The following VAT1L variants were observed in gnomAD, a reference collection of about 807,000 sequenced individuals.
The protein encoded by VAT1L is putative NADPH-dependent quinone oxidoreductase VAT1L.
A neutral mutation model predicts 44.1 loss-of-function variants in VAT1L; 34 were observed. The observed-to-expected ratio is 0.77, with a 90% CI of 0.59 to 1.03. The LOEUF (loss-of-function observed/expected upper bound fraction) is 1.03, where lower values mean the gene tolerates loss of function less well. Among genes scored for constraint, VAT1L ranks in the 50% least tolerant of loss-of-function variants. VAT1L has a pLI of 0.00. For missense variants in VAT1L, 615 were observed against 538.8 expected (o/e 1.14, Z -1.40); for synonymous variants, 253 against 202.2 (o/e 1.25, Z -2.13).
chr16:77,800,097 T>G (rs1239819410), intron 1 of VAT1L: 1 of 152,114 alleles, frequency 6.6e-6, no homozygotes, highest in Non-Finnish European at 1.5e-5. Flanking sequence ...GATCTGTGAG[T>G]GAGAACCTGG....
Position 77,828,346 on chromosome 16 carries a change from A to G in VAT1L, c.579+2885A>G, listed in dbSNP as rs368213090. The stretch of plus-strand genomic sequence containing the variant: ...TATCCTGCGTTATTCAGGATGACCC[A>G]GTGTCATCACAAGAGTCCTTAAAGG... On this transcript the variant is annotated intron_variant, in intron 3 of 8. Coordinates refer to ENST00000302536, the MANE Select transcript of VAT1L (RefSeq NM_020927.3). Among the ~76,000 whole-genome samples the G allele has an allele frequency of 8.5e-5, 13 of 152,348 alleles. No individual in the cohort carries two copies. The East Asian group carries it at 1.7e-3, about 20-fold the overall frequency.
At chr16:77,893,493 G>C (rs2017289902) in intron 7 of VAT1L, among the ~76,000 whole-genome samples, 1 of 152,212 alleles carries the variant, frequency 6.6e-6, no homozygotes, top group African/African-American at 2.4e-5. Flanking sequence ...GTCATAGTAG[G>C]CCATGAAAGT....
intron 3 of VAT1L, among the ~76,000 whole-genome samples, chr16:77,838,526 C>T (rs2016664958): frequency 6.6e-6 from 1 of 152,054 alleles, no homozygotes; most frequent in Non-Finnish European, 1.5e-5. Context: ...CTCAACATGC[C>T]TGGGCGTCCG....
At chr16:77,825,195 A>G (rs1394101590) in intron 2 of VAT1L, 51 bp from the exon 3 acceptor site, 2 of 1,600,956 alleles carry the variant, frequency 1.2e-6, no homozygotes, top group Non-Finnish European at 1.7e-6. Flanking sequence ...TCTCTCCTTG[A>G]GCCTCTGTCA....
At chr16:77,880,299 G>A (rs2017136895) in intron 6 of VAT1L, among the ~76,000 whole-genome samples, 1 of 152,028 alleles carries the variant, frequency 6.6e-6, no homozygotes, top group Non-Finnish European at 1.5e-5. Context: ...TGGGATTACA[G>A]GTGTGTGCCA....
intron 7 of VAT1L, among the ~76,000 whole-genome samples, chr16:77,904,726 T>TA (rs1162303419): frequency 1.3e-5 from 2 of 152,234 alleles, no homozygotes; most frequent in Non-Finnish European, 2.9e-5. Context: ...AGAGCATTCT[T>TA]ACTTTTCTAA....
rs781702069 is a variant in VAT1L at position 77,862,806 on chromosome 16, C to G, written c.638C>G (p.Ala213Gly). 1.2e-4 allele frequency: 192 copies of G among 1,613,832 alleles called. No homozygotes were observed. Among genetic ancestry groups the G allele is most frequent in the Non-Finnish European group, 1.6e-4 (183 of 1,179,984 alleles). ...TVPNVTVFGT[A>G]STFKHEAIKD... Reference sequence around the variant, plus strand: ...CCCAACGTGACTGTCTTTGGAACAGCCTCTACTTTCAAGCATGAAGCAATC... The same window carrying G: ...CCCAACGTGACTGTCTTTGGAACAGGCTCTACTTTCAAGCATGAAGCAATC... The change falls in exon 4 of 9, where the codon GCC becomes GGC. Residue 213 changes from alanine to glycine, a missense_variant. By Grantham distance (60) the Ala-to-Gly change is moderately conservative. Transcript: ENST00000302536.
intron 7 of VAT1L, among the ~76,000 whole-genome samples, chr16:77,922,965 C>T (rs958108096): frequency 4.6e-5 from 7 of 152,156 alleles, no homozygotes; most frequent in Non-Finnish European, 7.3e-5. Flanking sequence ...TCTTCGTTGA[C>T]GTCTACAAGC....
chr16:77,967,273 G>T (rs183086870), intron 7 of VAT1L, among the ~76,000 whole-genome samples: 1 of 152,166 alleles, frequency 6.6e-6, no homozygotes, highest in Non-Finnish European at 1.5e-5. Context: ...TGAAACTGTG[G>T]TGCTTAACTC....
chr16:77,971,274 C>G (rs961502395), intron 7 of VAT1L, among the ~76,000 whole-genome samples: 1 of 152,112 alleles, frequency 6.6e-6, no homozygotes, highest in African/African-American at 2.4e-5. Context: ...GGCAAGCCCC[C>G]AACATTTGAA....
chr16:77,964,682 C>G (rs1207589955), intron 7 of VAT1L, among the ~76,000 whole-genome samples: 2 of 151,516 alleles, frequency 1.3e-5, no homozygotes, highest in African/African-American at 4.9e-5. Flanking sequence ...GTCATTCTGT[C>G]TGCTTTCCCC....
intron 7 of VAT1L, chr16:77,892,616 G>T: frequency 1.5e-6 from 1 of 681,826 alleles, no homozygotes. Context: ...TCAAGGTGGT[G>T]ACTTCACACT....
intron 7 of VAT1L, among the ~76,000 whole-genome samples, chr16:77,922,158 C>T (rs1228542330): frequency 4.0e-5 from 6 of 151,560 alleles, no homozygotes; most frequent in Non-Finnish European, 5.9e-5. Flanking sequence ...AAGAATCTCT[C>T]GCTGTGTGAG....
chr16:77,875,196 G>A (rs1160063301), intron 4 of VAT1L, among the ~76,000 whole-genome samples: 1 of 152,122 alleles, frequency 6.6e-6, no homozygotes, highest in Non-Finnish European at 1.5e-5. Context: ...CTGGATTTTG[G>A]ACATGACATG....
chr16:77,870,192 A>G (rs184051420), intron 4 of VAT1L, among the ~76,000 whole-genome samples: 16 of 152,288 alleles, frequency 1.1e-4, no homozygotes, highest in Admixed American at 4.6e-4. Flanking sequence ...TAAGAAGCCT[A>G]CCGTAGAGTA....
chr16:77,836,190 T>C (rs11150017), intron 3 of VAT1L, among the ~76,000 whole-genome samples: 39,289 of 151,748 alleles, frequency 0.26, 5,215 homozygotes, highest in East Asian at 0.38. Flanking sequence ...AGGATCCAAT[T>C]TGAACTCAAA....
At chr16:77,855,579 C>T (rs1344133175) in intron 3 of VAT1L, among the ~76,000 whole-genome samples, 1 of 152,140 alleles carries the variant, frequency 6.6e-6, no homozygotes, top group Non-Finnish European at 1.5e-5. Context: ...CTCTCATTCT[C>T]ATGGTTTAGG....
chr16:77,831,982 A>T (rs1303378473), intron 3 of VAT1L, among the ~76,000 whole-genome samples: 8 of 125,984 alleles, frequency 6.4e-5, no homozygotes, highest in East Asian at 4.6e-4. Context: ...TGCCCGGCTA[A>T]TTTTTTTTTT....
intron 7 of VAT1L, among the ~76,000 whole-genome samples, chr16:77,963,271 G>T (rs1384629138): frequency 6.6e-6 from 1 of 152,154 alleles, no homozygotes; most frequent in East Asian, 1.9e-4. Flanking sequence ...GGGATGGGGA[G>T]ATCCTCCTGG....
Sources: allele counts gnomAD v4.1 joint callset (sites outside exome capture counted in the v4.1 genomes callset), GRCh38; gene constraint gnomAD v4.1.1; transcripts MANE v1.5; gene names NCBI Gene and HGNC (gene_info 2026-07-23, HGNC 2026-07-21).